Variants in PTPRN observed in about 807,000 individuals in gnomAD.
PTPRN encodes the protein receptor-type tyrosine-protein phosphatase-like N.
Under a neutral mutation model 108.5 loss-of-function variants are expected in PTPRN, and 70 were observed. The ratio of observed to expected loss-of-function variants is 0.65; its 90% CI spans 0.53 to 0.79. The LOEUF (loss-of-function observed/expected upper bound fraction) is 0.79, where lower values mean the gene tolerates loss of function less well. Ranked by LOEUF, PTPRN falls within the 30% of genes least tolerant of loss-of-function variation. The pLI is 0.00. For missense variants in PTPRN, 1,136 were observed against 1,295.5 expected (o/e 0.88, Z 1.89); for synonymous variants, 496 against 524.6 (o/e 0.95, Z 0.75).
intron 1 of PTPRN, chr2:219,308,188 A>T (rs1253643954): frequency 3.3e-6 from 1 of 303,986 alleles, no homozygotes; most frequent in Non-Finnish European, 6.2e-6. Flanking sequence ...CAAATATGGA[A>T]AAGCATCCTA....
rs1345953546 is a variant in PTPRN, at chr2:219,309,215, G to A, written c.115+3C>T. ...CACCCGCCAGCCCAAGTTTCCTCCT[G>A]ACCGTGGGCACTAACGGCGCTGCAG... is the stretch of plus-strand genomic sequence containing the variant. On this transcript the variant is annotated splice_donor_region_variant and intron_variant, in intron 1 of 22. Transcript: ENST00000295718. The A allele has an allele frequency of 1.0e-5, 15 of 1,505,510 alleles. No individual in the cohort carries two copies. The highest frequency in any genetic ancestry group is 1.3e-5 in the Non-Finnish European group (15 of 1,121,142). The allele number at this position is 1,505,510 out of a possible 1,614,324, so 93.3% of individuals were successfully genotyped here. A position where few individuals can be genotyped will look rare whatever the true frequency, so the allele number is the denominator to read the frequency against.
intron 18 of PTPRN, chr2:219,295,995 CACACACACAT>C (rs1952183843): frequency 1.9e-5 from 11 of 580,358 alleles, no homozygotes; most frequent in African/African-American, 1.3e-4. Context: ...CACACACACA[CACACACACAT>C]GTATGTTCTG....
intron 3 of PTPRN, chr2:219,307,071 C>G: frequency 5.9e-6 from 1 of 170,360 alleles, no homozygotes; most frequent in Non-Finnish European, 1.2e-5. Flanking sequence ...TAAAACTATG[C>G]CTGCTACATA....
chr2:219,290,965 C>T lies in PTPRN; in HGVS notation c.2730-75G>A. 1 of 1,450,704 alleles carries T rather than the reference C, an allele frequency of 6.9e-7. No homozygotes were observed. Among genetic ancestry groups the T allele is most frequent in the Non-Finnish European group, 9.7e-7 (1 of 1,032,484 alleles). 89.9% of individuals were successfully genotyped at this position (1,450,704 alleles called of 1,614,324 possible). A position where few individuals can be genotyped will look rare whatever the true frequency, so the allele number is the denominator to read the frequency against. On this transcript the variant is annotated intron_variant, in intron 20 of 22. Transcript: ENST00000295718. This position sits in a 1 kb window ranked among gnomAD's most constrained non-coding sequence, Gnocchi z 4.2. ...GGAGGGACGGAGGAGGCGAGGAGGC[C>T]TGGAGGCCTGGGGGAGGGGAGGACA...
intron 19 of PTPRN, among the ~76,000 whole-genome samples, chr2:219,293,450 G>A (rs1352729955): frequency 6.6e-6 from 1 of 152,094 alleles, no homozygotes; most frequent in Non-Finnish European, 1.5e-5. Context: ...AAAGTGCTGG[G>A]ATTACAGGTG....
chr2:219,302,152 G>A lies in PTPRN; in HGVS notation c.979C>T (p.Pro327Ser). 6.3e-7 allele frequency: 1 copy of A among 1,587,960 alleles called. No homozygotes were observed. Among genetic ancestry groups the A allele is most frequent in the Non-Finnish European group, 8.6e-7 (1 of 1,162,744 alleles). The change falls in exon 6 of 23, where the codon CCA becomes TCA. Residue 327 changes from proline to serine, a missense_variant. Transcript: ENST00000295718. ...ACCTTGTTACCTGGCTGCACAGCTG[G>A]GGAAGCAGGCTTCTCTCCACGATCC... ...LGDRGEKPAS[P>S]AVQPDAALQR...
At position 219,301,742 on chromosome 2, in the gene PTPRN, C is replaced by T. The variant is rs373533177; in HGVS notation, c.995-23G>A. 3.0e-5 allele frequency: 48 copies of T among 1,592,882 alleles called. 1 individual carries two copies. In the South Asian group the frequency reaches 3.4e-4, roughly 11 times the overall value. On this transcript the variant is annotated intron_variant, in intron 6 of 22. Coordinates refer to ENST00000295718, the MANE Select transcript of PTPRN (RefSeq NM_002846.4). ...CATCTGCTGGGAGCCAGACACAGAG[C>T]TTAGGGCTGATTGCGCAGTGAACTT...
rs764670725 is a variant in PTPRN, at chr2:219,302,563, G to A, written c.639+13C>T. Reference sequence around the variant, plus strand: ...GGACTGCGGTTGGGGTGGGACCAGAGTCAAGGACTTACCTGGTGGAACAGG... The same window carrying A: ...GGACTGCGGTTGGGGTGGGACCAGAATCAAGGACTTACCTGGTGGAACAGG... On this transcript the variant is annotated intron_variant, in intron 5 of 22. Coordinates refer to ENST00000295718, the MANE Select transcript of PTPRN (RefSeq NM_002846.4). 1 of 1,614,042 alleles carries A rather than the reference G, an allele frequency of 6.2e-7. No homozygotes were observed. The highest frequency in any genetic ancestry group is 8.5e-7 in the Non-Finnish European group (1 of 1,179,960).
Position 219,297,419 on chromosome 2 carries a change from C to T in PTPRN, c.1902G>A (p.Gln634=), listed in dbSNP as rs1338634682. 6.2e-7 allele frequency: 1 copy of T among 1,614,150 alleles called. No individual in the cohort carries two copies. The highest frequency in any genetic ancestry group is 8.5e-7 in the Non-Finnish European group (1 of 1,180,026). The part of the protein sequence containing the change: ...TTFEYQDLCR[Q]HMATKSLFNR... ...TGAACAAGGACTTCGTGGCCATGTG[C>T]TGGCGGCACAGGTCCTGTGGAGGAA... Residue 634 remains glutamine (Q), a synonymous_variant, in exon 14 of 23, where the codon CAG becomes CAA. Transcript: ENST00000295718. The surrounding 1 kb of genome is among the most constrained non-coding windows in gnomAD (Gnocchi z 6.0).
At position 219,301,716 on chromosome 2, in the gene PTPRN, G is replaced by A. The variant is rs754803112; in HGVS notation, c.998C>T (p.Ala333Val). 8.1e-6 allele frequency: 13 copies of A among 1,607,004 alleles called. No homozygotes were observed. Among genetic ancestry groups the A allele is most frequent in the Middle Eastern group, 1.7e-4 (1 of 6,050 alleles). The change falls in exon 7 of 23, where the codon GCG becomes GTG. Residue 333 changes from alanine to valine, a missense_variant. Physicochemically the swap from Ala to Val is moderately conservative, Grantham distance 64. Coordinates refer to ENST00000295718, the MANE Select transcript of PTPRN (RefSeq NM_002846.4). Reference protein sequence around the residue: ...KPASPAVQPDAALQRLAAVLA... With the variant: ...KPASPAVQPDVALQRLAAVLA... ...CACAGCGGCCAGCCTCTGCAGAGCC[G>A]CATCTGCTGGGAGCCAGACACAGAG...
In PTPRN at chr2:219,290,770, TG is replaced by T; in HGVS notation, c.2794+55del. 1 of 1,567,230 alleles carries T rather than the reference TG, an allele frequency of 6.4e-7. No individual in the cohort carries two copies. Reference sequence around the variant, plus strand: ...TCTGAGCTCCCAGGACCCTGTGTGCTGGGGAGCCTCTAAAAAGGGCCTGGGG... The same window carrying T: ...TCTGAGCTCCCAGGACCCTGTGTGCTGGGAGCCTCTAAAAAGGGCCTGGGG... On this transcript the variant is annotated intron_variant, in intron 21 of 22. Coordinates refer to ENST00000295718, the MANE Select transcript of PTPRN (RefSeq NM_002846.4). This position sits in a 1 kb window ranked among gnomAD's most constrained non-coding sequence, Gnocchi z 4.2.
intron 3 of PTPRN, 107 bp downstream of exon 3, chr2:219,307,337 G>A: frequency 1.1e-6 from 1 of 915,064 alleles, no homozygotes; most frequent in Non-Finnish European, 1.7e-6. Context: ...GGGAAGGTGA[G>A]GCTCCAGCAG....
At chr2:219,299,952 A>G (rs760414982) in intron 9 of PTPRN, 33 bp downstream of exon 9, 38 of 1,612,056 alleles carry the variant, frequency 2.4e-5, no homozygotes, top group Non-Finnish European at 3.2e-5. Context: ...AAATCCTAGC[A>G]GACCAGAAAG....
At chr2:219,295,366 C>G (rs1952165565) in intron 18 of PTPRN, 1 of 519,854 alleles carries the variant, frequency 1.9e-6, no homozygotes, top group Non-Finnish European at 3.3e-6. Context: ...GTGAGCCTCT[C>G]GAGGTCGGAG....
rs757576708 is a variant in PTPRN, at chr2:219,290,889, C to T, written c.2731G>A (p.Asp911Asn). 12 of 1,613,848 alleles carry T rather than the reference C, an allele frequency of 7.4e-6. 1 individual carries two copies. In the South Asian group the frequency reaches 1.3e-4, roughly 18 times the overall value. ...TAGGTGCCGGTCCTCCCCGCACCAT[C>T]ACTGAAACAGGAGTTAGTGACAGGT... ...RSCPIIVHCS[D>N]GAGRTGTYIL... Residue 911 changes from aspartate to asparagine, a missense_variant and splice_region_variant, in exon 21 of 23, where the codon GAT becomes AAT. Asp to Asn is a conservative substitution (Grantham distance 23). Coordinates refer to ENST00000295718, the MANE Select transcript of PTPRN (RefSeq NM_002846.4). This position sits in a 1 kb window ranked among gnomAD's most constrained non-coding sequence, Gnocchi z 4.2.
intron 3 of PTPRN, among the ~76,000 whole-genome samples, chr2:219,305,762 C>A (rs1276347802): frequency 6.6e-6 from 1 of 152,178 alleles, no homozygotes; most frequent in South Asian, 2.1e-4. Context: ...TCAACATATT[C>A]AAAGCTGAAC....
In PTPRN at chr2:219,300,013, C is replaced by T; in HGVS notation, c.1408G>A (p.Glu470Lys). Residue 470 changes from glutamate (E) to lysine (K), a missense_variant, in exon 9 of 23, where the codon GAA becomes AAA. Physicochemically the swap from Glu to Lys is moderately conservative, Grantham distance 56. Coordinates refer to ENST00000295718, the MANE Select transcript of PTPRN (RefSeq NM_002846.4). ...GQPSARPAAE[E>K]YGYIVTDQKP... ...TGATCAGTGACGATGTAGCCATATT[C>T]CTCTGCTGCTGGGCGGGCTGAGGGC... 1 of 1,614,236 alleles carries T rather than the reference C, an allele frequency of 6.2e-7. No individual in the cohort carries two copies. Among genetic ancestry groups the T allele is most frequent in the Non-Finnish European group, 8.5e-7 (1 of 1,180,046 alleles).
rs1559298508 is a variant in PTPRN, at chr2:219,298,040, G to A, written c.1732C>T (p.Leu578=). The change falls in exon 13 of 23, where the codon CTG becomes TTG. Residue 578 remains leucine, a synonymous_variant. Transcript: ENST00000295718. ...AHSTSPMRSV[L]LTLVALAGVA... Reference sequence around the variant, plus strand: ...CCTGCCAGGGCCACCAGAGTGAGCAGCACTGAGCGCATGGGTGAGGTGCTG... The same window carrying A: ...CCTGCCAGGGCCACCAGAGTGAGCAACACTGAGCGCATGGGTGAGGTGCTG... 3 of 1,613,990 alleles carry A rather than the reference G, an allele frequency of 1.9e-6. No individual in the cohort carries two copies. The highest frequency in any genetic ancestry group is 2.5e-6 in the Non-Finnish European group (3 of 1,180,022).
chr2:219,296,844 C>G lies in PTPRN; in HGVS notation c.2237-22G>C. 6.2e-7 allele frequency: 1 copy of G among 1,614,046 alleles called. No individual in the cohort carries two copies. The highest frequency in any genetic ancestry group is 8.5e-7 in the Non-Finnish European group (1 of 1,179,962). ...TCATCTGCACAGACCCGACACCCCA[C>G]CCCAGATGGCCCTCTGGTCATTGGC... On this transcript the variant is annotated intron_variant, in intron 15 of 22. Coordinates refer to ENST00000295718, the MANE Select transcript of PTPRN (RefSeq NM_002846.4). This position sits in a 1 kb window ranked among gnomAD's most constrained non-coding sequence, Gnocchi z 6.0.
Sources: gnomAD v4.1 joint callset for allele counts (sites outside exome capture counted in the v4.1 genomes callset) on GRCh38, gnomAD v4.1.1 for gene constraint, Gnocchi (gnomAD v3.1) non-coding constraint, MANE v1.5 for transcripts, NCBI Gene and HGNC (gene_info 2026-07-23, HGNC 2026-07-21) for gene names.